Variants in TTLL6 observed in about 807,000 individuals in gnomAD.
TTLL6 encodes tubulin tyrosine ligase like 6.
In TTLL6, 75 loss-of-function variants were observed where a neutral mutation model predicts 96.4. The observed-to-expected ratio is 0.78, with a 90% CI of 0.65 to 0.94. TTLL6 has a LOEUF of 0.94. TTLL6 is among the 40% of genes least tolerant of loss of function. The probability of loss-of-function intolerance (pLI) is 0.00; values close to 1 mark genes in which losing one functional copy is unlikely to be tolerated. For synonymous variants in TTLL6, 411 were observed against 419.4 expected, an observed-to-expected ratio of 0.98 and a Z score of 0.24; for missense variants, 1,030 against 1,093.0, an observed-to-expected ratio of 0.94 and a Z score of 0.81.
intron 6 of TTLL6, among the ~76,000 whole-genome samples, chr17:48,798,614 G>A (rs1349040101): frequency 6.6e-6 from 1 of 151,900 alleles, no homozygotes; most frequent in Non-Finnish European, 1.5e-5. Flanking sequence ...GCATGTGCCT[G>A]TAATCCTAGC....
At position 48,762,343 on chromosome 17, in the gene TTLL6, C is replaced by T. The variant is rs2038504905; in HGVS notation, c.*631G>A. 1 of 152,174 alleles carries T rather than the reference C, an allele frequency of 6.6e-6. No homozygotes were observed. Among genetic ancestry groups the T allele is most frequent in the Non-Finnish European group, 1.5e-5 (1 of 68,058 alleles). The allele number at this position is 152,174 out of a possible 1,614,324, so 9.4% of individuals were successfully genotyped here. ...TTCAGGCTGGGTACTCTCGCCTCAC[C>T]TCTGTTTTCACTGGTGAGATTAAGT... On this transcript the variant is annotated 3_prime_UTR_variant, in exon 16 of 16. Coordinates refer to ENST00000393382, the MANE Select transcript of TTLL6 (RefSeq NM_001130918.3).
At chr17:48,774,364 G>A (rs865866038) in intron 13 of TTLL6, among the ~76,000 whole-genome samples, 39 of 150,472 alleles carry the variant, frequency 2.6e-4, no homozygotes, top group African/African-American at 7.1e-4. Flanking sequence ...GGGTTTCACC[G>A]TGTTGCCCAG....
chr17:48,795,664 G>A (rs889200028), intron 8 of TTLL6, among the ~76,000 whole-genome samples: 1 of 152,198 alleles, frequency 6.6e-6, no homozygotes, highest in African/African-American at 2.4e-5. Context: ...GCAACGTCCA[G>A]GGGAACATGG....
chr17:48,799,938 G>T, intron 5 of TTLL6, 178 bp from the exon 6 acceptor site: 1 of 601,076 alleles, frequency 1.7e-6, no homozygotes, highest in Non-Finnish European at 2.9e-6. Context: ...GGGAGTGTGG[G>T]CTTCAGAGGG....
intron 15 of TTLL6, among the ~76,000 whole-genome samples, chr17:48,768,380 C>T (rs1291509095): frequency 2.6e-5 from 4 of 152,236 alleles, no homozygotes; most frequent in African/African-American, 9.6e-5. Context: ...AAGCAATTCT[C>T]CTGCCTCAGC....
intron 2 of TTLL6, chr17:48,804,483 A>G: frequency 1.8e-6 from 1 of 566,782 alleles, no homozygotes; most frequent in South Asian, 1.5e-5. Context: ...GCCTTCTTAA[A>G]ACAAGGAAAT....
intron 15 of TTLL6, among the ~76,000 whole-genome samples, chr17:48,764,303 G>T (rs936192759): frequency 3.3e-5 from 5 of 152,182 alleles, no homozygotes; most frequent in African/African-American, 1.2e-4. Context: ...ATGTGTCAGG[G>T]CGCCATTCCT....
At chr17:48,810,824 T>TATATATATA (rs1435209864) in intron 1 of TTLL6, among the ~76,000 whole-genome samples, 20 of 56,758 alleles carry the variant, frequency 3.5e-4, no homozygotes, top group Admixed American at 1.0e-3. Flanking sequence ...AGTATGTGTG[T>TATATATATA]GTATATATAT....
intron 13 of TTLL6, among the ~76,000 whole-genome samples, chr17:48,782,146 C>T (rs2143291729): frequency 6.8e-6 from 1 of 146,334 alleles, no homozygotes; most frequent in African/African-American, 2.6e-5. Context: ...TGCTCTATTG[C>T]CCAGGCTGTG....
At chr17:48,771,522 C>T (rs1021000615) in intron 13 of TTLL6, among the ~76,000 whole-genome samples, 13 of 151,978 alleles carry the variant, frequency 8.6e-5, no homozygotes, top group African/African-American at 2.9e-4. Flanking sequence ...GTCCTAGCTA[C>T]TCGGGAGGCT....
chr17:48,797,219 C>G lies in TTLL6; in HGVS notation c.769-15G>C. 1 of 1,542,128 alleles carries G rather than the reference C, an allele frequency of 6.5e-7. No homozygotes were observed. The highest frequency in any genetic ancestry group is 8.8e-7 in the Non-Finnish European group (1 of 1,141,212). ...ATGATAAAGGGCTGGAAGGAGAGAA[C>G]AGAAGTCAGACATGCATTAGAGGAG... On this transcript the variant is annotated splice_polypyrimidine_tract_variant and intron_variant, in intron 6 of 15. Coordinates refer to ENST00000393382, the MANE Select transcript of TTLL6 (RefSeq NM_001130918.3).
At chr17:48,776,843 CA>C (rs1216161173) in intron 13 of TTLL6, among the ~76,000 whole-genome samples, 6 of 151,784 alleles carry the variant, frequency 4.0e-5, no homozygotes, top group African/African-American at 1.5e-4. Context: ...GCTTTTTTTG[CA>C]AAAATTGATG....
chr17:48,787,847 T>A lies in TTLL6; in HGVS notation c.1553A>T (p.Asn518Ile). 3 of 1,614,224 alleles carry A rather than the reference T, an allele frequency of 1.9e-6. No individual in the cohort carries two copies. The highest frequency in any genetic ancestry group is 2.5e-6 in the Non-Finnish European group (3 of 1,180,036). Residue 518 changes from asparagine (N) to isoleucine (I), a missense_variant, in exon 11 of 16, where the codon AAT becomes ATT. Physicochemically the swap from Asn to Ile is moderately radical, Grantham distance 149. Transcript: ENST00000393382. ...FFQDNNSLFQ[N>I]TVASRAREEY... is the part of the protein sequence containing the mutation. Reference sequence around the variant, plus strand: ...CTCCCGAGCCCTGGAAGCAACAGTATTCTGGAAGAGGGAGTTGTTGTCCTG... The same window carrying A: ...CTCCCGAGCCCTGGAAGCAACAGTAATCTGGAAGAGGGAGTTGTTGTCCTG...
chr17:48,775,924 C>T (rs1389952423), intron 13 of TTLL6, among the ~76,000 whole-genome samples: 1 of 152,148 alleles, frequency 6.6e-6, no homozygotes, highest in Non-Finnish European at 1.5e-5. Flanking sequence ...CATCTACAAA[C>T]ACCTGACAGC....
chr17:48,782,209 G>T (rs1366883378), intron 13 of TTLL6, among the ~76,000 whole-genome samples: 1 of 150,592 alleles, frequency 6.6e-6, no homozygotes, highest in South Asian at 2.1e-4. Context: ...AGGTTCAAGC[G>T]ATTCTCCTGC....
intron 1 of TTLL6, among the ~76,000 whole-genome samples, chr17:48,808,593 G>C (rs2039538216): frequency 6.6e-6 from 1 of 152,050 alleles, no homozygotes; most frequent in Non-Finnish European, 1.5e-5. Context: ...TTTTGAGATG[G>C]TGTCTCATTC....
intron 10 of TTLL6, 64 bp downstream of exon 10, chr17:48,789,867 C>A: frequency 6.4e-7 from 1 of 1,565,094 alleles, no homozygotes; most frequent in Non-Finnish European, 8.7e-7. Flanking sequence ...CAGGACAGAT[C>A]ATTCTTATTG....
chr17:48,784,861 A>G, intron 13 of TTLL6, 62 bp downstream of exon 13: 1 of 1,433,610 alleles, frequency 7.0e-7, no homozygotes, highest in Non-Finnish European at 9.7e-7. Flanking sequence ...AGTTGGGGGT[A>G]GAGAAAGGAC....
At chr17:48,801,414 A>G in intron 4 of TTLL6, 29 bp from the exon 5 acceptor site, 4 of 1,551,602 alleles carry the variant, frequency 2.6e-6, no homozygotes, top group Non-Finnish European at 3.5e-6. Flanking sequence ...TTCATGAGCA[A>G]TCGAGGGACA....
Sources: gnomAD v4.1 joint callset for allele counts (sites outside exome capture counted in the v4.1 genomes callset) on GRCh38, gnomAD v4.1.1 for gene constraint, MANE v1.5 for transcripts, NCBI Gene and HGNC (gene_info 2026-07-23, HGNC 2026-07-21) for gene names.